RMDN3: variants seen among roughly 807,000 people sequenced by gnomAD.
The protein encoded by RMDN3 is regulator of microtubule dynamics 3, also known as regulator of microtubule dynamics protein 3.
RMDN3 carries 41 observed loss-of-function variants against 61.8 expected under a neutral mutation model. That is an observed-to-expected ratio of 0.66 (90% CI 0.52 to 0.86). The LOEUF is 0.86. RMDN3 is among the 40% of genes least tolerant of loss of function. The pLI is 0.00. For missense variants in RMDN3, 557 were observed against 585.3 expected (o/e 0.95, Z 0.50); for synonymous variants, 247 against 232.0 (o/e 1.06, Z -0.59).
rs1413379415 is a variant in RMDN3, at chr15:40,743,912, GAGTTTGTCCCT to G, written c.910+124_910+134del. On this transcript the variant is annotated intron_variant, in intron 6 of 12. Transcript: ENST00000338376. ...AGAAAGCAAGGGTCTTTGGGAGCCA[GAGTTTGTCCCT>G]AGTGGGTAACTGAGCCACAACTGCT... 1.7e-5 allele frequency: 11 copies of G among 651,816 alleles called. No homozygotes were observed. The Middle Eastern group carries it at 1.8e-3, about 109-fold the overall frequency. The allele number at this position is 651,816 out of a possible 1,614,324, so 40.4% of individuals were successfully genotyped here. A position where few individuals can be genotyped will look rare whatever the true frequency, so the allele number is the denominator to read the frequency against.
intron 5 of RMDN3, 100 bp from the exon 6 acceptor site, chr15:40,744,249 A>G: frequency 9.4e-7 from 1 of 1,066,036 alleles, no homozygotes; most frequent in Admixed American, 1.9e-5. Flanking sequence ...TTTCCAAGCT[A>G]GTATGTTACA....
At chr15:40,752,529 A>T (rs1204242492) in intron 2 of RMDN3, among the ~76,000 whole-genome samples, 2 of 152,174 alleles carry the variant, frequency 1.3e-5, no homozygotes, top group African/African-American at 4.8e-5. Context: ...ATAGTGCCCA[A>T]TACCAAGGAG....
intron 4 of RMDN3, among the ~76,000 whole-genome samples, chr15:40,745,792 G>C (rs975750165): frequency 6.6e-6 from 1 of 152,166 alleles, no homozygotes; most frequent in Non-Finnish European, 1.5e-5. Context: ...GTCCCTGCTC[G>C]TTTTTGCCTT....
intron 4 of RMDN3, chr15:40,747,593 G>A (rs890564221): frequency 6.6e-6 from 1 of 152,196 alleles, no homozygotes; most frequent in African/African-American, 2.4e-5. Context: ...CCAGCCTTTG[G>A]AGAAATCTAC....
chr15:40,751,716 G>T, intron 3 of RMDN3, 147 bp from the exon 4 acceptor site: 1 of 1,237,444 alleles, frequency 8.1e-7, no homozygotes, highest in Non-Finnish European at 1.2e-6. Flanking sequence ...AGGAGGGCAA[G>T]CAGGGCAGCT....
chr15:40,751,722 C>A (rs1897831716), intron 3 of RMDN3, 153 bp from the exon 4 acceptor site: 10 of 1,190,190 alleles, frequency 8.4e-6, no homozygotes, highest in Non-Finnish European at 1.2e-5. Context: ...GCAAGCAGGG[C>A]AGCTTCCTGG....
chr15:40,744,461 T>G (rs1389434423), intron 5 of RMDN3, among the ~76,000 whole-genome samples: 1 of 147,524 alleles, frequency 6.8e-6, no homozygotes, highest in Non-Finnish European at 1.5e-5. Flanking sequence ...TGCTGACACA[T>G]GAAGAAAGTG....
chr15:40,745,001 C>T lies in RMDN3; in HGVS notation c.783G>A (p.Gln261=). The change falls in exon 5 of 13, where the codon CAG becomes CAA. Residue 261 remains glutamine, a synonymous_variant. Coordinates refer to ENST00000338376, the MANE Select transcript of RMDN3 (RefSeq NM_018145.3). ...GDEQGKREGF[Q]LLLNNKLVYG... ...CCACCAGCTTGTTGTTGAGCAGCAG[C>T]TGGAAGCCCTCCCGCTTGCCTTGCT... 1.9e-6 allele frequency: 3 copies of T among 1,607,206 alleles called. No homozygotes were observed. Among genetic ancestry groups the T allele is most frequent in the Non-Finnish European group, 2.6e-6 (3 of 1,175,194 alleles).
intron 1 of RMDN3, 49 bp downstream of exon 1, chr15:40,755,034 C>A (rs891869102): frequency 2.3e-6 from 1 of 433,424 alleles, no homozygotes; most frequent in African/African-American, 2.0e-5. Context: ...CTCCAGTACA[C>A]CCCCCGACCC....
At chr15:40,742,180 T>C (rs1316195006) in intron 6 of RMDN3, among the ~76,000 whole-genome samples, 1 of 147,902 alleles carries the variant, frequency 6.8e-6, no homozygotes, top group Non-Finnish European at 1.5e-5. Flanking sequence ...AGTTTTTTTT[T>C]TTTTTTTTGT....
rs780445595 is a variant in RMDN3 at position 40,744,090 on chromosome 15, C to A, written c.867G>T (p.Glu289Asp). The A allele has an allele frequency of 1.9e-6, 3 of 1,613,742 alleles. No homozygotes were observed. The Admixed American group carries it at 5.0e-5, about 27-fold the overall frequency. The change falls in exon 6 of 13, where the codon GAG (glutamate) becomes GAT (aspartate). Residue 289 changes from glutamate (E) to aspartate (D), a missense_variant. Physicochemically the swap from Glu to Asp is conservative, Grantham distance 45. Coordinates refer to ENST00000338376, the MANE Select transcript of RMDN3 (RefSeq NM_018145.3). ...TCTTCTCGCTCACCTCCTCAGTGAG[C>A]TCACACATGTCACTGTAGGCTCGGG... ...RLARAYSDMC[E>D]LTEEVSEKKS...
chr15:40,754,127 C>T lies in RMDN3; in HGVS notation c.187+470G>A, dbSNP rs1202362214. On this transcript the variant is annotated intron_variant, in intron 2 of 12. Coordinates refer to ENST00000338376, the MANE Select transcript of RMDN3 (RefSeq NM_018145.3). ...GAAAGAGTAGAGAAAACCACGACTG[C>T]TTTTTTTTTTTTTTTTTTTTTGAGA... 8.9e-5 allele frequency among the ~76,000 whole-genome samples: 11 copies of T among 123,882 alleles called. No individual in the cohort carries two copies. The East Asian group carries it at 9.9e-4, about 11-fold the overall frequency. The allele number at this position is 123,882 out of a possible 152,430, so 81.3% of individuals were successfully genotyped here.
Position 40,737,726 on chromosome 15 carries a change from C to A in RMDN3, c.1126G>T (p.Val376Phe), listed in dbSNP as rs776666230. 5.0e-6 allele frequency: 8 copies of A among 1,613,738 alleles called. No homozygotes were observed. The South Asian group carries it at 8.8e-5, about 18-fold the overall frequency. The change falls in exon 10 of 13, where the codon GTC (valine) becomes TTC (phenylalanine). Residue 376 changes from valine (V) to phenylalanine (F), a missense_variant and splice_region_variant. Transcript: ENST00000338376. ...HFLLGRWCYQ[V>F]SHLSWLEKKT... ...TTTTCTAGCCAGCTCAGGTGAGAGACCTGCCACAAAAAGATCAAGGTGTGT... is the reference window on the plus strand; with the variant it reads ...TTTTCTAGCCAGCTCAGGTGAGAGAACTGCCACAAAAAGATCAAGGTGTGT...
Position 40,745,191 on chromosome 15 carries a change from T to A in RMDN3, c.593A>T (p.Asp198Val), listed in dbSNP as rs762671209. The A allele has an allele frequency of 6.2e-7, 1 of 1,614,146 alleles. No individual in the cohort carries two copies. The highest frequency in any genetic ancestry group is 8.5e-7 in the Non-Finnish European group (1 of 1,180,030). ...DSDKESEDGE[D>V]EVSCETVKMG... ...CTTCACAGTCTCACAGCTCACTTCA[T>A]CTTCCCCGTCCTCACTTTCTTTGTC... The change falls in exon 5 of 13, where the codon GAT becomes GTT. Residue 198 changes from aspartate to valine, a missense_variant. Transcript: ENST00000338376.
intron 6 of RMDN3, among the ~76,000 whole-genome samples, chr15:40,742,591 C>G (rs918378288): frequency 7.9e-5 from 12 of 152,304 alleles, no homozygotes; most frequent in African/African-American, 2.9e-4. Flanking sequence ...AAACTTTATA[C>G]CCAGTAAGGA....
chr15:40,754,561 C>T (rs763458521), intron 2 of RMDN3, 36 bp downstream of exon 2: 1 of 1,589,054 alleles, frequency 6.3e-7, no homozygotes, highest in Non-Finnish European at 8.6e-7. Context: ...GCCCATTAGT[C>T]TGCAGTGACC....
rs142146927 is a variant in RMDN3, at chr15:40,738,571, G to C, written c.977C>G (p.Ala326Gly). Residue 326 changes from alanine (A) to glycine (G), a missense_variant, in exon 8 of 13, where the codon GCG becomes GGG. Transcript: ENST00000338376. ...CTCAGCCAGCTGACCACAAAGCACC[G>C]CATACCTAGGGGGGAAGCAGCAAGC... ...DESADCHLWYAVLCGQLAEHE... is the reference protein window; with the variant it reads ...DESADCHLWYGVLCGQLAEHE... 3.7e-6 allele frequency: 6 copies of C among 1,613,868 alleles called. No individual in the cohort carries two copies. Among genetic ancestry groups the C allele is most frequent in the Non-Finnish European group, 5.1e-6 (6 of 1,179,982 alleles).
rs796143676 is a variant in RMDN3, at chr15:40,750,219, T to TG, written c.524+1206_524+1207insC. ...CCACCATGCCCAGCTCGTTTTTTTT[T>TG]TTTTTTTTTTTTTTCTTTGAGATGG... is the stretch of plus-strand genomic sequence containing the variant. On this transcript the variant is annotated intron_variant, in intron 4 of 12. Coordinates refer to ENST00000338376, the MANE Select transcript of RMDN3 (RefSeq NM_018145.3). 9.1e-3 allele frequency among the ~76,000 whole-genome samples: 1,279 copies of TG among 140,660 alleles called. 20 individuals carry two copies. Among genetic ancestry groups the TG allele is most frequent in the African/African-American group, 0.035 (1,224 of 34,564 alleles). 92.3% of individuals were successfully genotyped at this position (140,660 alleles called of 152,430 possible). A position where few individuals can be genotyped will look rare whatever the true frequency, so the allele number is the denominator to read the frequency against.
At chr15:40,750,434 G>C (rs1001344259) in intron 4 of RMDN3, among the ~76,000 whole-genome samples, 9 of 151,838 alleles carry the variant, frequency 5.9e-5, no homozygotes, top group Non-Finnish European at 8.8e-5. Context: ...TGGCCAGACT[G>C]GTCTCAAACT....
Sources: allele counts gnomAD v4.1 joint callset (sites outside exome capture counted in the v4.1 genomes callset), GRCh38; gene constraint gnomAD v4.1.1; transcripts MANE v1.5; gene names NCBI Gene and HGNC (gene_info 2026-07-23, HGNC 2026-07-21).